Variants in CLIC6 observed in about 807,000 individuals in gnomAD.
CLIC6 encodes chloride intracellular channel protein 6.
CLIC6 carries 39 observed loss-of-function variants against 49.2 expected under a neutral mutation model. The observed-to-expected ratio is 0.79, with a 90% CI of 0.61 to 1.04. The LOEUF (loss-of-function observed/expected upper bound fraction) is 1.04. CLIC6 is among the 50% of genes least tolerant of loss of function. CLIC6 has a pLI of 0.00. For missense variants in CLIC6, 988 were observed against 993.1 expected (o/e 0.99, Z 0.07); for synonymous variants, 446 against 433.4 (o/e 1.03, Z -0.36).
At chr21:34,699,361 C>G (rs1015286658) in intron 1 of CLIC6, among the ~76,000 whole-genome samples, 1 of 151,906 alleles carries the variant, frequency 6.6e-6, no homozygotes, top group African/African-American at 2.4e-5. Context: ...AAGCAATTCT[C>G]CCACCTCAGC....
At position 34,669,548 on chromosome 21, in the gene CLIC6, G is replaced by A; in HGVS notation, c.160G>A (p.Ala54Thr). ...GGGCGCAGAGGAGGCGCCGAGGGGC[G>A]CCGCCGCTGTGAAGGAGGCAGGAGG... ...SEGAEEAPRG[A>T]AAVKEAGGGG... is the part of the protein sequence containing the mutation. The change falls in exon 1 of 6, where the codon GCC becomes ACC. Residue 54 changes from alanine to threonine, a missense_variant. Transcript: ENST00000349499. 1 of 1,244,724 alleles carries A rather than the reference G, an allele frequency of 8.0e-7. No individual in the cohort carries two copies. The highest frequency in any genetic ancestry group is 1.0e-6 in the Non-Finnish European group (1 of 996,316). The allele number at this position is 1,244,724 out of a possible 1,614,324, so 77.1% of individuals were successfully genotyped here. A position where few individuals can be genotyped will look rare whatever the true frequency, so the allele number is the denominator to read the frequency against.
rs1989487657 is a variant in CLIC6, at chr21:34,669,631, C to A, written c.243C>A (p.Gly81=). The change falls in exon 1 of 6, where the codon GGC becomes GGA. Residue 81 remains glycine (G), a synonymous_variant. Coordinates refer to ENST00000349499, the MANE Select transcript of CLIC6 (RefSeq NM_053277.3). ...CGCGGGGCACGAGGGGGGCGCACGG[C>A]GAGACTGAGGCCGAGGAGGGAGCCC... ...AEARGTRGAH[G]ETEAEEGAPE... is the part of the protein sequence containing the mutation. 2 of 1,287,338 alleles carry A rather than the reference C, an allele frequency of 1.6e-6. No individual in the cohort carries two copies. The highest frequency in any genetic ancestry group is 3.1e-5 in the African/African-American group (2 of 64,606). 79.7% of individuals were successfully genotyped at this position (1,287,338 alleles called of 1,614,324 possible).
chr21:34,690,628 G>A (rs1166908985), intron 1 of CLIC6, among the ~76,000 whole-genome samples: 2 of 152,106 alleles, frequency 1.3e-5, no homozygotes, highest in African/African-American at 4.8e-5. Context: ...CTGGGTTGCT[G>A]TGTTCGCCAT....
At position 34,707,408 on chromosome 21, in the gene CLIC6, C is replaced by A. The variant is rs2056022506; in HGVS notation, c.1484+19C>A. 6.4e-6 allele frequency: 9 copies of A among 1,411,916 alleles called. No homozygotes were observed. Among genetic ancestry groups the A allele is most frequent in the Non-Finnish European group, 8.0e-6 (8 of 999,656 alleles). 87.5% of individuals were successfully genotyped at this position (1,411,916 alleles called of 1,614,324 possible). On this transcript the variant is annotated intron_variant, in intron 2 of 5. Transcript: ENST00000349499. ...TGAAAAGGTAAGACAAGGCGTCTGC[C>A]TTACTGAAATAACTGTACCTAGTTC... is the stretch of plus-strand genomic sequence containing the variant.
intron 1 of CLIC6, among the ~76,000 whole-genome samples, chr21:34,701,776 T>A (rs983647921): frequency 1.2e-4 from 18 of 152,208 alleles, no homozygotes; most frequent in Admixed American, 9.8e-4. Context: ...ACTCATAATT[T>A]TTTTTTAATT....
intron 1 of CLIC6, among the ~76,000 whole-genome samples, chr21:34,681,618 G>GT (rs149975237): frequency 6.6e-4 from 101 of 152,098 alleles, no homozygotes; most frequent in African/African-American, 2.2e-3. Flanking sequence ...GGTGCAGTTA[G>GT]TTTTTTTTAC....
At chr21:34,694,885 C>A (rs1256667439) in intron 1 of CLIC6, among the ~76,000 whole-genome samples, 1 of 152,160 alleles carries the variant, frequency 6.6e-6, no homozygotes, top group African/African-American at 2.4e-5. Flanking sequence ...CTGAAATAGG[C>A]TAAGTACTAC....
At position 34,670,566 on chromosome 21, in the gene CLIC6, C is replaced by T. The variant is rs1446830182; in HGVS notation, c.1178C>T (p.Ser393Phe). 4.0e-6 allele frequency: 6 copies of T among 1,506,404 alleles called. No individual in the cohort carries two copies. The highest frequency in any genetic ancestry group is 4.6e-5 in the Admixed American group (2 of 43,344). 93.3% of individuals were successfully genotyped at this position (1,506,404 alleles called of 1,614,324 possible). Residue 393 changes from serine (S) to phenylalanine (F), a missense_variant, in exon 1 of 6, where the codon TCC (serine) becomes TTC (phenylalanine). Transcript: ENST00000349499. ...GAAGCAGCGGGGGGCGAAGAGGAATCCCCCGACAGCAGCCCACATGGGGAG... is the reference window on the plus strand; with the variant it reads ...GAAGCAGCGGGGGGCGAAGAGGAATTCCCCGACAGCAGCCCACATGGGGAG... ...EEEAAGGEEE[S>F]PDSSPHGEAS...
chr21:34,710,614 C>T (rs891831958), intron 5 of CLIC6, among the ~76,000 whole-genome samples: 9 of 152,210 alleles, frequency 5.9e-5, no homozygotes, highest in African/African-American at 2.2e-4. Context: ...GAGATCGAGA[C>T]CATCCTGGCT....
chr21:34,683,390 G>C (rs1254338556), intron 1 of CLIC6, among the ~76,000 whole-genome samples: 1 of 152,160 alleles, frequency 6.6e-6, no homozygotes, highest in Non-Finnish European at 1.5e-5. Flanking sequence ...TGCCTCTGAG[G>C]TTGTGTCTCT....
intron 1 of CLIC6, among the ~76,000 whole-genome samples, chr21:34,679,658 C>A (rs762807928): frequency 3.9e-5 from 6 of 152,222 alleles, no homozygotes; most frequent in Non-Finnish European, 7.3e-5. Context: ...GGGGTACAGG[C>A]ATTGGGTAAA....
At chr21:34,708,104 T>C in intron 3 of CLIC6, 35 bp downstream of exon 3, 1 of 1,612,666 alleles carries the variant, frequency 6.2e-7, no homozygotes, top group Non-Finnish European at 8.5e-7. Flanking sequence ...ATAACTTGAT[T>C]GTCACTTTCC....
At chr21:34,688,399 C>T (rs913081926) in intron 1 of CLIC6, among the ~76,000 whole-genome samples, 5 of 152,150 alleles carry the variant, frequency 3.3e-5, no homozygotes, top group African/African-American at 9.7e-5. Context: ...AGACGGAGAA[C>T]GACGGTTCAC....
intron 1 of CLIC6, among the ~76,000 whole-genome samples, chr21:34,698,919 A>T (rs1272986365): frequency 6.6e-6 from 1 of 152,196 alleles, no homozygotes; most frequent in Non-Finnish European, 1.5e-5. Context: ...CAAAAGCAGA[A>T]ACGCTGTGCT....
chr21:34,710,609 C>T lies in CLIC6; in HGVS notation c.1899+1071C>T, dbSNP rs1335129838. 5.9e-5 allele frequency among the ~76,000 whole-genome samples: 9 copies of T among 152,156 alleles called. No individual in the cohort carries two copies. The East Asian group carries it at 1.5e-3, about 26-fold the overall frequency. On this transcript the variant is annotated intron_variant, in intron 5 of 5. Transcript: ENST00000349499. ...CGGGCAGGTCACGAAGTCAGGAGAT[C>T]GAGACCATCCTGGCTAACATGGTGA...
chr21:34,673,922 T>G (rs1361841321), intron 1 of CLIC6, among the ~76,000 whole-genome samples: 2 of 152,190 alleles, frequency 1.3e-5, no homozygotes, highest in East Asian at 1.9e-4. Flanking sequence ...AGCTGGGTTT[T>G]GTGAACATGC....
At chr21:34,713,267 T>C (rs1215669731) in intron 5 of CLIC6, among the ~76,000 whole-genome samples, 1 of 152,214 alleles carries the variant, frequency 6.6e-6, no homozygotes, top group Admixed American at 6.5e-5. Context: ...GAAATTTTTC[T>C]ACAGCCTCAA....
chr21:34,670,976 A>G (rs1166687811), intron 1 of CLIC6, among the ~76,000 whole-genome samples: 1 of 150,884 alleles, frequency 6.6e-6, no homozygotes, highest in Admixed American at 6.6e-5. Flanking sequence ...TTGGAAGCAA[A>G]GACTTTGGGG....
Position 34,701,126 on chromosome 21 carries a change from C to T in CLIC6, c.1375-6154C>T, listed in dbSNP as rs867914736. Among the ~76,000 whole-genome samples, 48 of 143,100 alleles carry T rather than the reference C, an allele frequency of 3.4e-4. 1 individual carries two copies. Among genetic ancestry groups the T allele is most frequent in the Admixed American group, 4.8e-4 (7 of 14,638 alleles). 93.9% of individuals were successfully genotyped at this position (143,100 alleles called of 152,430 possible). A position where few individuals can be genotyped will look rare whatever the true frequency, so the allele number is the denominator to read the frequency against. On this transcript the variant is annotated intron_variant, in intron 1 of 5. Transcript: ENST00000349499. ...GACCATCCTGGCTAACAAGGTGAAA[C>T]CCCGTCTCTACTAAAAATACAAAAA...
Sources: allele counts gnomAD v4.1 joint callset (sites outside exome capture counted in the v4.1 genomes callset), GRCh38; gene constraint gnomAD v4.1.1; transcripts MANE v1.5; gene names NCBI Gene and HGNC (gene_info 2026-07-23, HGNC 2026-07-21).